The following ZFAND3 variants were observed in gnomAD, a reference collection of about 807,000 sequenced individuals.
ZFAND3 encodes zinc finger AN1-type containing 3, also known as AN1-type zinc finger protein 3.
In ZFAND3, 10 loss-of-function variants were observed where a neutral mutation model predicts 29.6. The ratio of observed to expected loss-of-function variants is 0.34; its 90% confidence interval spans 0.21 to 0.57. The LOEUF is 0.57. Ranked by LOEUF, ZFAND3 falls within the 20% of genes least tolerant of loss-of-function variation. The pLI is 0.86. For missense variants in ZFAND3, 230 were observed against 304.5 expected (o/e 0.76, Z 1.82); for synonymous variants, 128 against 112.6 (o/e 1.14, Z -0.87).
At chr6:38,058,395 T>C (rs1268888258) in intron 2 of ZFAND3, among the ~76,000 whole-genome samples, 2 of 152,250 alleles carry the variant, frequency 1.3e-5, no homozygotes, top group Non-Finnish European at 2.9e-5. Flanking sequence ...AGTATCATTA[T>C]TGCAGTATTT....
intron 2 of ZFAND3, among the ~76,000 whole-genome samples, chr6:38,027,763 T>TG (rs1360916989): frequency 6.6e-6 from 1 of 152,194 alleles, no homozygotes; most frequent in Non-Finnish European, 1.5e-5. Flanking sequence ...CTTAGGCAGA[T>TG]GGGAGGTATG....
intron 2 of ZFAND3, among the ~76,000 whole-genome samples, chr6:37,946,991 CACA>C (rs1761915076): frequency 6.6e-6 from 1 of 152,194 alleles, no homozygotes; most frequent in African/African-American, 2.4e-5. Context: ...GCAGTAGTTG[CACA>C]ACAACGTGAA....
chr6:37,991,903 A>G (rs1762765662), intron 2 of ZFAND3, among the ~76,000 whole-genome samples: 1 of 152,124 alleles, frequency 6.6e-6, no homozygotes, highest in Non-Finnish European at 1.5e-5. Context: ...AAACTTTTGT[A>G]TTTGTTCAGG....
chr6:38,084,337 G>A (rs948392648), intron 4 of ZFAND3, among the ~76,000 whole-genome samples: 1 of 152,180 alleles, frequency 6.6e-6, no homozygotes, highest in Non-Finnish European at 1.5e-5. Context: ...GTGATTTTAA[G>A]TAAATAAGTT....
chr6:37,833,824 C>CCAA (rs551305339), intron 1 of ZFAND3, among the ~76,000 whole-genome samples: 1 of 68,032 alleles, frequency 1.5e-5, no homozygotes, highest in African/African-American at 5.0e-5. Flanking sequence ...GACACTGTCT[C>CCAA]AAAAAAAAAA....
intron 1 of ZFAND3, among the ~76,000 whole-genome samples, chr6:37,923,703 C>A (rs9394467): frequency 6.6e-6 from 1 of 152,144 alleles, no homozygotes; most frequent in Non-Finnish European, 1.5e-5. Flanking sequence ...TCTAACACTA[C>A]AGCTATGATG....
In ZFAND3 at chr6:38,076,373, A is replaced by C. The variant is rs7765420; in HGVS notation, c.296-6019A>C. On this transcript the variant is annotated intron_variant, in intron 3 of 5. Transcript: ENST00000287218. ...TTTATTGCCATATTTGCTTTATTACAGTGGTCTGGAACCAAACCCATAATA... is the reference window on the plus strand; with the variant it reads ...TTTATTGCCATATTTGCTTTATTACCGTGGTCTGGAACCAAACCCATAATA... 3.9e-5 allele frequency among the ~76,000 whole-genome samples: 6 copies of C among 151,980 alleles called. No individual in the cohort carries two copies. The East Asian group carries it at 1.2e-3, about 29-fold the overall frequency.
At chr6:37,929,019 T>C (rs931367350) in intron 1 of ZFAND3, among the ~76,000 whole-genome samples, 3 of 152,168 alleles carry the variant, frequency 2.0e-5, no homozygotes, top group African/African-American at 7.2e-5. Flanking sequence ...GTCTTTGATT[T>C]CTAAGACCCC....
intron 2 of ZFAND3, among the ~76,000 whole-genome samples, chr6:38,056,965 C>T (rs1412950884): frequency 6.6e-6 from 1 of 152,138 alleles, no homozygotes; most frequent in Non-Finnish European, 1.5e-5. Context: ...AAGCTTTATT[C>T]ACATAAACCT....
chr6:38,113,922 A>G lies in ZFAND3; in HGVS notation c.362-2650A>G, dbSNP rs576527077. On this transcript the variant is annotated intron_variant, in intron 4 of 5. Coordinates refer to ENST00000287218, the MANE Select transcript of ZFAND3 (RefSeq NM_021943.3). ...CGGTTTGGGATAGATTCATGTAGAA[A>G]GAGCTCTAAATGTGAACTCTGCATT... 5.3e-5 allele frequency among the ~76,000 whole-genome samples: 8 copies of G among 152,378 alleles called. 1 individual carries two copies. The South Asian group carries it at 1.7e-3, about 32-fold the overall frequency.
chr6:38,135,664 G>A (rs1323006444), intron 5 of ZFAND3, among the ~76,000 whole-genome samples: 2 of 152,136 alleles, frequency 1.3e-5, no homozygotes, highest in African/African-American at 2.4e-5. Flanking sequence ...AGAATCGCTG[G>A]AATCTGGGAG....
intron 4 of ZFAND3, among the ~76,000 whole-genome samples, chr6:38,084,617 G>A (rs930872841): frequency 6.6e-6 from 1 of 152,104 alleles, no homozygotes; most frequent in Non-Finnish European, 1.5e-5. Context: ...TATTGATCAC[G>A]TTCTTTGTTA....
chr6:37,895,154 G>A (rs1765176534), intron 1 of ZFAND3, among the ~76,000 whole-genome samples: 1 of 151,930 alleles, frequency 6.6e-6, no homozygotes, highest in South Asian at 2.1e-4. Context: ...GCCTTTTAAA[G>A]TTTCCTCACT....
chr6:37,984,797 G>T (rs538090508), intron 2 of ZFAND3, among the ~76,000 whole-genome samples: 2 of 152,322 alleles, frequency 1.3e-5, no homozygotes, highest in South Asian at 4.1e-4. Flanking sequence ...GTCTGAACTA[G>T]TGGAATGAGC....
At chr6:37,861,116 G>T (rs1044514668) in intron 1 of ZFAND3, among the ~76,000 whole-genome samples, 1 of 151,996 alleles carries the variant, frequency 6.6e-6, no homozygotes, top group South Asian at 2.1e-4. Context: ...AATTAGCCAG[G>T]CATGGTGGCA....
intron 4 of ZFAND3, among the ~76,000 whole-genome samples, chr6:38,099,278 G>C (rs1765045363): frequency 6.6e-6 from 1 of 152,170 alleles, no homozygotes; most frequent in South Asian, 2.1e-4. Flanking sequence ...AACCTTGGAG[G>C]CATTTTTGTC....
At chr6:37,998,084 G>C (rs1762881963) in intron 2 of ZFAND3, among the ~76,000 whole-genome samples, 1 of 152,210 alleles carries the variant, frequency 6.6e-6, no homozygotes. Flanking sequence ...TTCTTCAATA[G>C]GTGAATGGAT....
chr6:38,076,345 A>T (rs910063416), intron 3 of ZFAND3, among the ~76,000 whole-genome samples: 6 of 152,278 alleles, frequency 3.9e-5, no homozygotes, highest in African/African-American at 1.4e-4. Context: ...GTGCAACTCG[A>T]ACTTTATTGC....
intron 1 of ZFAND3, among the ~76,000 whole-genome samples, chr6:37,905,788 T>A (rs1488465714): frequency 6.6e-6 from 1 of 152,108 alleles, no homozygotes; most frequent in Non-Finnish European, 1.5e-5. Context: ...AAGCATAAGA[T>A]GGGAATGATA....
Sources: allele counts gnomAD v4.1 joint callset (sites outside exome capture counted in the v4.1 genomes callset), GRCh38; gene constraint gnomAD v4.1.1; transcripts MANE v1.5; gene names NCBI Gene and HGNC (gene_info 2026-07-23, HGNC 2026-07-21).